Variants in ADAMTS2 observed in about 807,000 individuals in gnomAD.
ADAMTS2 encodes A disintegrin and metalloproteinase with thrombospondin motifs 2.
In ADAMTS2, 50 loss-of-function variants were observed where a neutral mutation model predicts 123.0. That is an observed-to-expected ratio of 0.41 (90% CI 0.32 to 0.51). The LOEUF (loss-of-function observed/expected upper bound fraction) is 0.51. Among genes scored for constraint, ADAMTS2 ranks in the 20% least tolerant of loss-of-function variants. The pLI is 0.35. For synonymous variants in ADAMTS2, 678 were observed against 695.4 expected (o/e 0.98, Z 0.39); for missense variants, 1,494 against 1,705.2 (o/e 0.88, Z 2.18).
Position 179,225,226 on chromosome 5 carries a change from G to A in ADAMTS2, c.689-17511C>T, listed in dbSNP as rs7716184. Reference sequence around the variant, plus strand: ...CCAAGGGCTCACCCACATCATGTGCGCTTCAGACAAAGGACTAATTTCCTT... The same window carrying A: ...CCAAGGGCTCACCCACATCATGTGCACTTCAGACAAAGGACTAATTTCCTT... On this transcript the variant is annotated intron_variant, in intron 3 of 21. Transcript: ENST00000251582. This position sits in a 1 kb window ranked among gnomAD's most constrained non-coding sequence, Gnocchi z 4.5. 0.17 allele frequency among the ~76,000 whole-genome samples: 25,965 copies of A among 152,176 alleles called. 3,647 individuals carry two copies. The highest frequency in any genetic ancestry group is 0.38 in the African/African-American group (15,842 of 41,476).
chr5:179,122,628 G>A lies in ADAMTS2; in HGVS notation c.3088+16C>T, dbSNP rs1469596144. 2 of 1,549,306 alleles carry A rather than the reference G, an allele frequency of 1.3e-6. No individual in the cohort carries two copies. Among genetic ancestry groups the A allele is most frequent in the Non-Finnish European group, 1.7e-6 (2 of 1,146,674 alleles). On this transcript the variant is annotated intron_variant, in intron 20 of 21. Transcript: ENST00000251582. ...CTGCATGCTGGGAGCAGGGGCAGGGGCTGCAGGTGGCTTACGGGGACAGGG... is the reference window on the plus strand; with the variant it reads ...CTGCATGCTGGGAGCAGGGGCAGGGACTGCAGGTGGCTTACGGGGACAGGG...
Position 179,274,471 on chromosome 5 carries a change from T to C in ADAMTS2, c.535-1407A>G, listed in dbSNP as rs574409902. The stretch of plus-strand genomic sequence containing the variant: ...AGCTGGCGCTGGCCGGGGTCCCCTG[T>C]CCAGTTAGGAGTGTGCCCTCTGGTG... On this transcript the variant is annotated intron_variant, in intron 2 of 21. Transcript: ENST00000251582. Among the ~76,000 whole-genome samples the C allele has an allele frequency of 5.3e-5, 8 of 152,344 alleles. No homozygotes were observed. In the East Asian group the frequency reaches 1.2e-3, roughly 22 times the overall value.
rs766806921 is a variant in ADAMTS2, at chr5:179,170,553, G to A, written c.975+10519C>T. On this transcript the variant is annotated intron_variant, in intron 5 of 21. Coordinates refer to ENST00000251582, the MANE Select transcript of ADAMTS2 (RefSeq NM_014244.5). This position sits in a 1 kb window ranked among gnomAD's most constrained non-coding sequence, Gnocchi z 4.3. Reference sequence around the variant, plus strand: ...TCATCCCCACCATGTGCCAAACTTTGTCCCCAGAGCCCCATCGAGAATCCC... The same window carrying A: ...TCATCCCCACCATGTGCCAAACTTTATCCCCAGAGCCCCATCGAGAATCCC... Among the ~76,000 whole-genome samples, 3 of 152,062 alleles carry A rather than the reference G, an allele frequency of 2.0e-5. No homozygotes were observed. The highest frequency in any genetic ancestry group is 4.4e-5 in the Non-Finnish European group (3 of 68,002).
chr5:179,323,798 T>A (rs1424804847), intron 2 of ADAMTS2, among the ~76,000 whole-genome samples: 1 of 152,262 alleles, frequency 6.6e-6, no homozygotes, highest in Non-Finnish European at 1.5e-5. Flanking sequence ...TCCTAGGTCT[T>A]ATTATTTAAT....
intron 3 of ADAMTS2, among the ~76,000 whole-genome samples, chr5:179,232,780 T>C (rs1329914347): frequency 1.3e-5 from 1 of 76,472 alleles, no homozygotes; most frequent in East Asian, 2.2e-4. Flanking sequence ...GCACAATACC[T>C]TTTTTTTTTT....
At chr5:179,316,120 T>C (rs927766605) in intron 2 of ADAMTS2, among the ~76,000 whole-genome samples, 1 of 151,864 alleles carries the variant, frequency 6.6e-6, no homozygotes, top group Non-Finnish European at 1.5e-5. Flanking sequence ...ATCAGATCAG[T>C]GTAAACAGGG....
rs1275520987 is a variant in ADAMTS2 at position 179,132,924 on chromosome 5, C to T, written c.2086-24G>A. 2 of 1,611,898 alleles carry T rather than the reference C, an allele frequency of 1.2e-6. No individual in the cohort carries two copies. Among genetic ancestry groups the T allele is most frequent in the African/African-American group, 2.7e-5 (2 of 74,998 alleles). ...TTCTGTTGGGGGAGGAGGCAGTGAG[C>T]ACTTGAGACGTCCTGCTAGTAGAGT... is the stretch of plus-strand genomic sequence containing the variant. On this transcript the variant is annotated intron_variant, in intron 13 of 21. Coordinates refer to ENST00000251582, the MANE Select transcript of ADAMTS2 (RefSeq NM_014244.5). The surrounding 1 kb of genome is among the most constrained non-coding windows in gnomAD (Gnocchi z 6.1).
Position 179,202,925 on chromosome 5 carries a change from A to T in ADAMTS2, c.891+4588T>A, listed in dbSNP as rs531256984. 6.6e-6 allele frequency among the ~76,000 whole-genome samples: 1 copy of T among 152,292 alleles called. No individual in the cohort carries two copies. Among genetic ancestry groups the T allele is most frequent in the Admixed American group, 6.5e-5 (1 of 15,296 alleles). ...GGCCACTAGGCAAAACTGGCCATGCAGCTCCACACCAGCTACAAGGGAGAC... is the reference window on the plus strand; with the variant it reads ...GGCCACTAGGCAAAACTGGCCATGCTGCTCCACACCAGCTACAAGGGAGAC... On this transcript the variant is annotated intron_variant, in intron 4 of 21. Coordinates refer to ENST00000251582, the MANE Select transcript of ADAMTS2 (RefSeq NM_014244.5). This position sits in a 1 kb window ranked among gnomAD's most constrained non-coding sequence, Gnocchi z 4.0.
rs369634970 is a variant in ADAMTS2 at position 179,170,274 on chromosome 5, G to A, written c.975+10798C>T. On this transcript the variant is annotated intron_variant, in intron 5 of 21. Transcript: ENST00000251582. This position sits in a 1 kb window ranked among gnomAD's most constrained non-coding sequence, Gnocchi z 4.3. Reference sequence around the variant, plus strand: ...CCTGGGGGACAGGCAATGGGGGAGCGGCAGGTGGGGAGCTGGTCTATTTCT... The same window carrying A: ...CCTGGGGGACAGGCAATGGGGGAGCAGCAGGTGGGGAGCTGGTCTATTTCT... 3.3e-5 allele frequency among the ~76,000 whole-genome samples: 5 copies of A among 152,128 alleles called. No homozygotes were observed. The highest frequency in any genetic ancestry group is 5.9e-5 in the Non-Finnish European group (4 of 68,034).
chr5:179,219,885 C>T (rs904878745), intron 3 of ADAMTS2, among the ~76,000 whole-genome samples: 5 of 152,362 alleles, frequency 3.3e-5, no homozygotes, highest in African/African-American at 7.2e-5. Context: ...GCACCTGCCC[C>T]GTGCCACTCT....
chr5:179,315,703 T>TGGCCACAGGAACTGGCC (rs1756972350), intron 2 of ADAMTS2, among the ~76,000 whole-genome samples: 1 of 152,154 alleles, frequency 6.6e-6, no homozygotes, highest in African/African-American at 2.4e-5. Flanking sequence ...CAGCCCCAGA[T>TGGCCACAGGAACTGGCC]GGCCACAGGA....
At chr5:179,184,673 C>T (rs539393142) in intron 4 of ADAMTS2, among the ~76,000 whole-genome samples, 2 of 152,298 alleles carry the variant, frequency 1.3e-5, no homozygotes, top group South Asian at 2.1e-4. Flanking sequence ...TGACCCTGGC[C>T]TCTTGTGCAG....
chr5:179,130,182 G>T lies in ADAMTS2; in HGVS notation c.2291-84C>A. ...ACTGGTTTGGGCTGGTCGGGGAGTG[G>T]GGGCAGCTAGCTGGACCCCTTGTCT... is the stretch of plus-strand genomic sequence containing the variant. On this transcript the variant is annotated intron_variant, in intron 15 of 21. Transcript: ENST00000251582. This position sits in a 1 kb window ranked among gnomAD's most constrained non-coding sequence, Gnocchi z 4.3. 1.9e-6 allele frequency: 3 copies of T among 1,556,956 alleles called. No homozygotes were observed. The highest frequency in any genetic ancestry group is 2.6e-6 in the Non-Finnish European group (3 of 1,135,120).
At chr5:179,138,030 G>T in intron 11 of ADAMTS2, 86 bp from the exon 12 acceptor site, 13 of 1,433,384 alleles carry the variant, frequency 9.1e-6, no homozygotes, top group Non-Finnish European at 1.2e-5. Flanking sequence ...TTTTAGGGGG[G>T]ATCCCTAAGT....
intron 10 of ADAMTS2, 149 bp from the exon 11 acceptor site, chr5:179,140,184 G>A: frequency 8.3e-7 from 1 of 1,211,912 alleles, no homozygotes; most frequent in Admixed American, 1.8e-5. Context: ...TAGATGCTCA[G>A]AGCCCCCAGA....
intron 3 of ADAMTS2, among the ~76,000 whole-genome samples, chr5:179,233,009 G>A (rs138044547): frequency 3.8e-4 from 58 of 152,290 alleles, no homozygotes; most frequent in African/African-American, 9.4e-4. Context: ...GTCGGGAGGC[G>A]GGAAGGCGTT....
chr5:179,114,253 C>T lies in ADAMTS2; in HGVS notation c.3250G>A (p.Gly1084Ser), dbSNP rs1316343560. The T allele has an allele frequency of 1.1e-5, 17 of 1,614,122 alleles. No individual in the cohort carries two copies. The highest frequency in any genetic ancestry group is 1.4e-5 in the Non-Finnish European group (17 of 1,179,988). Residue 1084 changes from glycine to serine, a missense_variant, in exon 22 of 22, where the codon GGC becomes AGC. Physicochemically the swap from Gly to Ser is moderately conservative, Grantham distance 56. This residue lies in a region of ADAMTS2 where 953 missense variants were observed against 1,124.7 expected (regional missense o/e 0.85). Transcript: ENST00000251582. ...EVLSRYCSIP[G>S]YNKLCCKSCN... is the part of the protein sequence containing the mutation. ...GACTTGCAGCACAGCTTGTTGTAGC[C>T]TGGGATGGAGCAATAGCGGGACAAG...
chr5:179,139,322 C>T (rs1048352485), intron 11 of ADAMTS2, among the ~76,000 whole-genome samples: 8 of 150,982 alleles, frequency 5.3e-5, no homozygotes, highest in African/African-American at 1.7e-4. Context: ...GAGATATTTA[C>T]GGGGTGTGTG....
At position 179,314,150 on chromosome 5, in the gene ADAMTS2, C is replaced by T. The variant is rs559672701; in HGVS notation, c.534+29617G>A. Among the ~76,000 whole-genome samples, 12 of 152,372 alleles carry T rather than the reference C, an allele frequency of 7.9e-5. No homozygotes were observed. The highest frequency in any genetic ancestry group is 1.9e-4 in the East Asian group (1 of 5,194). On this transcript the variant is annotated intron_variant, in intron 2 of 21. Transcript: ENST00000251582. The surrounding 1 kb of genome is among the most constrained non-coding windows in gnomAD (Gnocchi z 4.5). ...ATCCACACGGAGGCTTCGGATTGGG[C>T]GCAGCCTGGGAGCACACAGACCGGC...
Sources: allele counts gnomAD v4.1 joint callset (sites outside exome capture counted in the v4.1 genomes callset), GRCh38; gene constraint gnomAD v4.1.1; regional missense constraint gnomAD v4.1.1; non-coding constraint Gnocchi (gnomAD v3.1); transcripts MANE v1.5; gene names NCBI Gene and HGNC (gene_info 2026-07-23, HGNC 2026-07-21).